The following SERPINA7 variants were observed in gnomAD, a reference collection of about 807,000 sequenced individuals.
SERPINA7 encodes thyroxine-binding globulin.
In SERPINA7, 14 loss-of-function variants were observed where a neutral mutation model predicts 16.0. The observed-to-expected ratio is 0.88, with a 90% CI of 0.58 to 1.37. The LOEUF is 1.37. Ranked by LOEUF, SERPINA7 falls within the 40% of genes most tolerant of loss-of-function variation. SERPINA7 has a pLI of 0.00. For missense variants in SERPINA7, 335 were observed against 296.6 expected (o/e 1.13, Z -0.95); for synonymous variants, 140 against 111.0 (o/e 1.26, Z -1.65).
In SERPINA7 at chrX:106,036,942, G is replaced by A. The variant is rs1352512036; in HGVS notation, c.117C>T (p.Leu39=). ...ACHSSQPNAT[L]YKMSSINADF... ...CAGCATTAATGGATGACATCTTGTA[G>A]AGAGTGGCATTTGGTTGGGATGAAT... is the stretch of plus-strand genomic sequence containing the variant. The change falls in exon 2 of 5, where the codon CTC becomes CTT. Residue 39 remains leucine, a synonymous_variant. Coordinates refer to ENST00000372563, the MANE Select transcript of SERPINA7 (RefSeq NM_000354.6). 3.5e-5 allele frequency: 43 copies of A among 1,211,504 alleles called. No individual in the cohort carries two copies. The highest frequency in any genetic ancestry group is 4.7e-5 in the Non-Finnish European group (42 of 895,266).
chrX:106,034,477 GCTT>G (rs2041433460), intron 3 of SERPINA7, 95 bp from the exon 4 acceptor site: 2 of 773,775 alleles, frequency 2.6e-6, no homozygotes, highest in Non-Finnish European at 4.0e-6. Context: ...ATTGGACTCT[GCTT>G]CTTCCCTGAG....
intron 4 of SERPINA7, 60 bp from the exon 5 acceptor site, chrX:106,033,763 G>A (rs2041426826): frequency 1.7e-6 from 2 of 1,210,244 alleles, no homozygotes; most frequent in African/African-American, 1.7e-5. Context: ...CTTTGGGAAG[G>A]TCTAGAAGTA....
In SERPINA7 at chrX:106,035,148, T is replaced by C; in HGVS notation, c.860A>G (p.Lys287Arg). 1 of 1,211,579 alleles carries C rather than the reference T, an allele frequency of 8.3e-7. No individual in the cohort carries two copies. Among genetic ancestry groups the C allele is most frequent in the Non-Finnish European group, 1.1e-6 (1 of 895,288 alleles). Residue 287 changes from lysine (K) to arginine (R), a missense_variant, in exon 3 of 5, where the codon AAA (lysine) becomes AGA (arginine). Physicochemically the swap from Lys to Arg is conservative, Grantham distance 26. Transcript: ENST00000372563. Reference sequence around the variant, plus strand: ...TAAGCGGTTCCACTTCTTCAGTGTTTTAGATGACATGGCAGCTTCCACTGA... The same window carrying C: ...TAAGCGGTTCCACTTCTTCAGTGTTCTAGATGACATGGCAGCTTCCACTGA... ...MESVEAAMSS[K>R]TLKKWNRLLQ...
chrX:106,036,757 G>C lies in SERPINA7; in HGVS notation c.302C>G (p.Thr101Arg). 8.3e-7 allele frequency: 1 copy of C among 1,211,032 alleles called. No individual in the cohort carries two copies. Among genetic ancestry groups the C allele is most frequent in the Non-Finnish European group, 1.1e-6 (1 of 895,051 alleles). Reference protein sequence around the residue: ...EIVETLGFNLTDTPMVEIQHG... With the variant: ...EIVETLGFNLRDTPMVEIQHG... ...CTGGATCTCTACCATTGGAGTGTCT[G>C]TGAGGTTGAACCCCAAGGTCTCCAC... Residue 101 changes from threonine (T) to arginine (R), a missense_variant, in exon 2 of 5, where the codon ACA (threonine) becomes AGA (arginine). By Grantham distance (71) the Thr-to-Arg change is moderately conservative. Transcript: ENST00000372563.
chrX:106,036,002 A>C (rs1030231010), intron 2 of SERPINA7, among the ~76,000 whole-genome samples: 2 of 112,466 alleles, frequency 1.8e-5, no homozygotes, highest in African/African-American at 3.2e-5. Flanking sequence ...CACACATGTC[A>C]GATGGTGTTT....
rs766786578 is a variant in SERPINA7 at position 106,036,980 on chromosome X, C to G, written c.79G>C (p.Val27Leu). ...TIHCASPEGK[V>L]TACHSSQPNA... ...GGTTGGGATGAATGGCAGGCTGTTACTTTGCCTTCAGGTGATGCACAGTGG... is the reference window on the plus strand; with the variant it reads ...GGTTGGGATGAATGGCAGGCTGTTAGTTTGCCTTCAGGTGATGCACAGTGG... Residue 27 changes from valine to leucine, a missense_variant, in exon 2 of 5, where the codon GTA becomes CTA. By Grantham distance (32) the Val-to-Leu change is conservative. Coordinates refer to ENST00000372563, the MANE Select transcript of SERPINA7 (RefSeq NM_000354.6). 33 of 1,208,584 alleles carry G rather than the reference C, an allele frequency of 2.7e-5. No individual in the cohort carries two copies. Among genetic ancestry groups the G allele is most frequent in the Admixed American group, 6.6e-5 (3 of 45,608 alleles).
chrX:106,035,104 G>T lies in SERPINA7; in HGVS notation c.896+8C>A, dbSNP rs933616078. On this transcript the variant is annotated splice_region_variant and intron_variant, in intron 3 of 4. Transcript: ENST00000372563. ...ACCTTCCACCCACACATCCTCTAAG[G>T]CATTTACCCCTTCTGTAGTAAGCGG... The T allele has an allele frequency of 2.0e-5, 24 of 1,208,658 alleles. No homozygotes were observed. The highest frequency in any genetic ancestry group is 2.6e-5 in the Non-Finnish European group (23 of 894,551).
chrX:106,034,125 C>T (rs923331225), intron 4 of SERPINA7, 110 bp downstream of exon 4: 59 of 762,076 alleles, frequency 7.7e-5, no homozygotes, highest in South Asian at 3.3e-4. Context: ...GGAGTCACAC[C>T]GCCTCTCTAG....
At chrX:106,035,088 C>G in intron 3 of SERPINA7, 24 bp downstream of exon 3, 1 of 1,209,836 alleles carries the variant, frequency 8.3e-7, no homozygotes, top group Non-Finnish European at 1.1e-6. Flanking sequence ...CACCTTCCAC[C>G]CACACATCCT....
In SERPINA7 at chrX:106,035,424, C is replaced by T. The variant is rs200523251; in HGVS notation, c.623-39G>A. On this transcript the variant is annotated intron_variant, in intron 2 of 4. Coordinates refer to ENST00000372563, the MANE Select transcript of SERPINA7 (RefSeq NM_000354.6). ...GAAAAGAGAGGTGTTTATTTTAAAC[C>T]GGTATCAGTACCAACAAGACCTTTT... 193 of 1,161,461 alleles carry T rather than the reference C, an allele frequency of 1.7e-4. 2 individuals carry two copies. The East Asian group carries it at 4.3e-3, about 26-fold the overall frequency.
In SERPINA7 at chrX:106,035,365, C is replaced by T. The variant is rs771355576; in HGVS notation, c.643G>A (p.Asp215Asn). 1 of 1,209,754 alleles carries T rather than the reference C, an allele frequency of 8.3e-7. No homozygotes were observed. The highest frequency in any genetic ancestry group is 1.1e-6 in the Non-Finnish European group (1 of 894,740). ...HFKAQWANPF[D>N]PSKTEDSSSF... ...GAACTGTCTTCTGTCTTGGATGGAT[C>T]AAAAGGATTTGCCCACTGGGCTTAA... Residue 215 changes from aspartate (D) to asparagine (N), a missense_variant, in exon 3 of 5, where the codon GAT (aspartate) becomes AAT (asparagine). Physicochemically the swap from Asp to Asn is conservative, Grantham distance 23 (BLOSUM62 1). Transcript: ENST00000372563.
chrX:106,033,683 C>T lies in SERPINA7; in HGVS notation c.1065G>A (p.Leu355=). The change falls in exon 5 of 5, where the codon CTG becomes CTA. Residue 355 remains leucine (L), a synonymous_variant. Coordinates refer to ENST00000372563, the MANE Select transcript of SERPINA7 (RefSeq NM_000354.6). ...CTTCAGTTCCCTTTTCACCAATGTG[C>T]AGCACAGCCTTATGGGCAGCCTGTG... is the stretch of plus-strand genomic sequence containing the variant. ...KLSNAAHKAV[L]HIGEKGTEAA... The T allele has an allele frequency of 8.3e-7, 1 of 1,211,120 alleles. No homozygotes were observed. The highest frequency in any genetic ancestry group is 1.1e-6 in the Non-Finnish European group (1 of 895,030).
intron 3 of SERPINA7, 107 bp from the exon 4 acceptor site, chrX:106,034,489 A>G (rs1464277463): frequency 1.4e-6 from 1 of 702,369 alleles, no homozygotes; most frequent in African/African-American, 2.1e-5. Context: ...TTCTTCCCTG[A>G]GTATTGATAA....
At chrX:106,037,148 T>C (rs777697216) in intron 1 of SERPINA7, 73 bp from the exon 2 acceptor site, 5 of 797,469 alleles carry the variant, frequency 6.3e-6, no homozygotes, top group Non-Finnish European at 9.4e-6. Context: ...CAGAGACACA[T>C]AATAACCACC....
At chrX:106,035,866 G>A (rs1248571111) in intron 2 of SERPINA7, among the ~76,000 whole-genome samples, 1 of 112,201 alleles carries the variant, frequency 8.9e-6, no homozygotes, top group South Asian at 3.7e-4. Flanking sequence ...ATAGTCACAT[G>A]ATTCTTGTTT....
intron 2 of SERPINA7, 47 bp downstream of exon 2, chrX:106,036,390 C>T (rs752310492): frequency 3.4e-6 from 4 of 1,194,003 alleles, no homozygotes; most frequent in Non-Finnish European, 4.5e-6. Flanking sequence ...AGCACTCCAC[C>T]CAAGTATCTG....
At chrX:106,037,539 A>T (rs1468131770) in intron 1 of SERPINA7, 1 of 116,057 alleles carries the variant, frequency 8.6e-6, no homozygotes. Flanking sequence ...ATGAGAGAAC[A>T]CTCGCATCTT....
Position 106,033,560 on chromosome X carries a change from C to A in SERPINA7, c.1188G>T (p.Leu396Phe), listed in dbSNP as rs1057524273. The A allele has an allele frequency of 1.7e-6, 2 of 1,209,222 alleles. No individual in the cohort carries two copies. Among genetic ancestry groups the A allele is most frequent in the African/African-American group, 3.5e-5 (2 of 57,194 alleles). The change falls in exon 5 of 5, where the codon TTG (leucine) becomes TTT (phenylalanine). Residue 396 changes from leucine to phenylalanine, a missense_variant. By Grantham distance (22) the Leu-to-Phe change is conservative (BLOSUM62 0). Transcript: ENST00000372563. ...AGAGAATACTCCTTGTGCTTCTCTC[C>A]AAAATCAACAACATGAAAGATCTAT... ...QIDRSFMLLI[L>F]ERSTRSILFL...
chrX:106,034,669 T>C (rs981249811), intron 3 of SERPINA7, among the ~76,000 whole-genome samples: 1 of 111,889 alleles, frequency 8.9e-6, no homozygotes, highest in Non-Finnish European at 1.9e-5. Context: ...GGGGAGCTAG[T>C]GGCATGAAGG....
Sources: allele counts gnomAD v4.1 joint callset (sites outside exome capture counted in the v4.1 genomes callset), GRCh38; gene constraint gnomAD v4.1.1; transcripts MANE v1.5; gene names NCBI Gene and HGNC (gene_info 2026-07-23, HGNC 2026-07-21).